The following ARHGAP15 variants were observed in gnomAD, a reference collection of about 807,000 sequenced individuals.
The protein encoded by ARHGAP15 is rho GTPase-activating protein 15.
Under a neutral mutation model 63.7 loss-of-function variants are expected in ARHGAP15, and 51 were observed. That is an observed-to-expected ratio of 0.80 (90% CI 0.64 to 1.01). The LOEUF (loss-of-function observed/expected upper bound fraction) is 1.01. Among genes scored for constraint, ARHGAP15 ranks in the 50% least tolerant of loss-of-function variants. ARHGAP15 has a pLI of 0.00. For synonymous variants in ARHGAP15, 191 were observed against 193.8 expected (o/e 0.99, Z 0.12); for missense variants, 560 against 564.6 (o/e 0.99, Z 0.08).
chr2:143,529,817 C>G (rs987120245), intron 10 of ARHGAP15, among the ~76,000 whole-genome samples: 7 of 152,084 alleles, frequency 4.6e-5, no homozygotes, highest in Admixed American at 2.6e-4. Context: ...ATCATTAGCC[C>G]CTTCCTCCAC....
intron 11 of ARHGAP15, among the ~76,000 whole-genome samples, chr2:143,567,383 C>G (rs553601431): frequency 6.6e-6 from 1 of 152,166 alleles, no homozygotes; most frequent in African/African-American, 2.4e-5. Context: ...GAAAAGCAGG[C>G]GTTAGCCCTC....
chr2:143,639,470 A>G (rs1222971028), intron 12 of ARHGAP15, among the ~76,000 whole-genome samples: 1 of 152,146 alleles, frequency 6.6e-6, no homozygotes, highest in East Asian at 1.9e-4. Flanking sequence ...AAGGATATGT[A>G]AATTTATTTG....
intron 6 of ARHGAP15, among the ~76,000 whole-genome samples, chr2:143,252,063 A>G (rs926427253): frequency 4.6e-5 from 7 of 152,060 alleles, no homozygotes; most frequent in African/African-American, 1.4e-4. Flanking sequence ...CCTAATCACC[A>G]AAATTGTAAA....
intron 2 of ARHGAP15, among the ~76,000 whole-genome samples, chr2:143,169,089 A>T (rs1690661895): frequency 6.6e-6 from 1 of 152,028 alleles, no homozygotes; most frequent in Admixed American, 6.6e-5. Flanking sequence ...TTCCACCTAA[A>T]GATGTATTTT....
intron 6 of ARHGAP15, among the ~76,000 whole-genome samples, chr2:143,409,512 A>G (rs945193875): frequency 6.6e-6 from 1 of 152,062 alleles, no homozygotes; most frequent in African/African-American, 2.4e-5. Flanking sequence ...ATTTAAGATC[A>G]TTCCTATATC....
chr2:143,502,343 A>G (rs1319496889), intron 9 of ARHGAP15, among the ~76,000 whole-genome samples: 2 of 151,968 alleles, frequency 1.3e-5, no homozygotes. Context: ...TGGGAGGCAG[A>G]GGTTGAAGTG....
chr2:143,665,742 A>G lies in ARHGAP15; in HGVS notation c.1139-37677A>G, dbSNP rs1280873594. 2.6e-5 allele frequency among the ~76,000 whole-genome samples: 4 copies of G among 151,426 alleles called. No homozygotes were observed. In the East Asian group the frequency reaches 7.7e-4, roughly 29 times the overall value. On this transcript the variant is annotated intron_variant, in intron 12 of 13. Transcript: ENST00000295095. The stretch of plus-strand genomic sequence containing the variant: ...AAGTCTCAGGATACAAAATCAATGT[A>G]CAAAAATCACAGGCATTCTTATACA...
intron 1 of ARHGAP15, among the ~76,000 whole-genome samples, chr2:143,138,473 CT>C (rs1229551433): frequency 6.6e-6 from 1 of 152,054 alleles, no homozygotes; most frequent in Non-Finnish European, 1.5e-5. Flanking sequence ...TAAAAGAATC[CT>C]ACTTTGTTTG....
At chr2:143,273,268 A>T (rs894901667) in intron 6 of ARHGAP15, among the ~76,000 whole-genome samples, 23 of 152,154 alleles carry the variant, frequency 1.5e-4, no homozygotes, top group Non-Finnish European at 3.2e-4. Context: ...TCATTTAACA[A>T]ATTAGTTAAA....
chr2:143,178,782 T>A (rs986599394), intron 2 of ARHGAP15, among the ~76,000 whole-genome samples: 1 of 152,194 alleles, frequency 6.6e-6, no homozygotes, highest in Non-Finnish European at 1.5e-5. Context: ...TTGTGTTAAT[T>A]TTCCTGCTAC....
At chr2:143,394,506 C>G (rs1215444372) in intron 6 of ARHGAP15, among the ~76,000 whole-genome samples, 3 of 152,142 alleles carry the variant, frequency 2.0e-5, no homozygotes, top group Non-Finnish European at 4.4e-5. Context: ...AGTCACCAAC[C>G]CAGAGGGATC....
intron 2 of ARHGAP15, among the ~76,000 whole-genome samples, chr2:143,176,368 A>G (rs1327449019): frequency 6.6e-6 from 1 of 152,192 alleles, no homozygotes; most frequent in Non-Finnish European, 1.5e-5. Context: ...TTGTTAATTT[A>G]GGTTATTTGC....
At chr2:143,519,847 T>C (rs956660537) in intron 10 of ARHGAP15, among the ~76,000 whole-genome samples, 1 of 152,162 alleles carries the variant, frequency 6.6e-6, no homozygotes, top group Admixed American at 6.5e-5. Flanking sequence ...TCAGGAACAA[T>C]TAAAAGACAC....
chr2:143,541,726 G>A (rs929215368), intron 10 of ARHGAP15, among the ~76,000 whole-genome samples: 2 of 152,180 alleles, frequency 1.3e-5, no homozygotes, highest in Admixed American at 6.5e-5. Context: ...CTGCCTGATC[G>A]TTCCTCTGGA....
At chr2:143,432,809 A>C (rs1409337891) in intron 6 of ARHGAP15, among the ~76,000 whole-genome samples, 3 of 152,006 alleles carry the variant, frequency 2.0e-5, no homozygotes, top group Non-Finnish European at 4.4e-5. Flanking sequence ...TTCCTTCAAA[A>C]TACGACCTGG....
At chr2:143,708,750 C>CTGTT (rs972351738) in intron 13 of ARHGAP15, among the ~76,000 whole-genome samples, 7 of 152,142 alleles carry the variant, frequency 4.6e-5, no homozygotes, top group Non-Finnish European at 1.0e-4. Context: ...AGAGCCTCCT[C>CTGTT]TGTTAGAAGA....
At chr2:143,378,747 T>C (rs1368103080) in intron 6 of ARHGAP15, among the ~76,000 whole-genome samples, 1 of 152,018 alleles carries the variant, frequency 6.6e-6, no homozygotes, top group Admixed American at 6.6e-5. Flanking sequence ...AGAGAAGAAA[T>C]GCCCTAAAGA....
At chr2:143,587,988 T>C (rs1158191388) in intron 11 of ARHGAP15, among the ~76,000 whole-genome samples, 5 of 152,202 alleles carry the variant, frequency 3.3e-5, no homozygotes, top group Middle Eastern at 3.2e-3. Flanking sequence ...AATGTTTTCT[T>C]TCTGCTCAAG....
chr2:143,702,635 G>A (rs1279803997), intron 12 of ARHGAP15, among the ~76,000 whole-genome samples: 1 of 152,034 alleles, frequency 6.6e-6, no homozygotes, highest in African/African-American at 2.4e-5. Context: ...AGTTATGGAG[G>A]GTGCAAGTCT....
Sources: gnomAD v4.1 joint callset for allele counts (sites outside exome capture counted in the v4.1 genomes callset) on GRCh38, gnomAD v4.1.1 for gene constraint, MANE v1.5 for transcripts, NCBI Gene and HGNC (gene_info 2026-07-23, HGNC 2026-07-21) for gene names.